AHSP: variants seen among roughly 807,000 people sequenced by gnomAD.
AHSP encodes alpha-hemoglobin-stabilizing protein.
In AHSP, 5 loss-of-function variants were observed where a neutral mutation model predicts 2.7. That is an observed-to-expected ratio of 1.86 (90% CI 0.97 to 3.92). The LOEUF (loss-of-function observed/expected upper bound fraction) is 3.92. Ranked by LOEUF, AHSP falls within the 30% of genes most tolerant of loss-of-function variation. The probability of loss-of-function intolerance (pLI) is 0.00; values close to 1 mark genes in which losing one functional copy is unlikely to be tolerated. For missense variants in AHSP, 134 were observed against 119.8 expected, an observed-to-expected ratio of 1.12 and a Z score of -0.55; for synonymous variants, 50 against 48.4, an observed-to-expected ratio of 1.03 and a Z score of -0.14.
chr16:31,528,709 T>C lies in AHSP; in HGVS notation c.*18T>C, dbSNP rs10843. Reference sequence around the variant, plus strand: ...CCTCCTAGCTCAGGGACCCAGCCCCTCCTCTCTGAGAAACTCTGACCTTCA... The same window carrying C: ...CCTCCTAGCTCAGGGACCCAGCCCCCCCTCTCTGAGAAACTCTGACCTTCA... On this transcript the variant is annotated 3_prime_UTR_variant, in exon 3 of 3. Transcript: ENST00000302312. The C allele has an allele frequency of 0.097, 154,986 of 1,600,776 alleles. 8,010 individuals carry two copies. The highest frequency in any genetic ancestry group is 0.16 in the East Asian group (7,112 of 44,414).
Position 31,527,938 on chromosome 16 carries a change from C to A in AHSP, c.-29C>A. 1 of 626,940 alleles carries A rather than the reference C, an allele frequency of 1.6e-6. No individual in the cohort carries two copies. Among genetic ancestry groups the A allele is most frequent in the Non-Finnish European group, 2.9e-6 (1 of 344,790 alleles). 38.8% of individuals were successfully genotyped at this position (626,940 alleles called of 1,614,324 possible). ...CGCACCCTCAAGAGTGTGGGTGAGA[C>A]ATATACAGCCTGTTAGACCTGAAGG... On this transcript the variant is annotated 5_prime_UTR_variant, in exon 1 of 3. Transcript: ENST00000302312.
At chr16:31,528,336 C>T (rs1468982242) in intron 2 of AHSP, 122 bp downstream of exon 2, 3 of 1,294,808 alleles carry the variant, frequency 2.3e-6, no homozygotes, top group Non-Finnish European at 3.3e-6. Flanking sequence ...CAACGAGAGA[C>T]ACGGGATACA....
rs144861094 is a variant in AHSP, at chr16:31,528,176, G to C, written c.37G>C (p.Ala13Pro). The change falls in exon 2 of 3, where the codon GCA becomes CCA. Residue 13 changes from alanine to proline, a missense_variant. By Grantham distance (27) the Ala-to-Pro change is conservative. Coordinates refer to ENST00000302312, the MANE Select transcript of AHSP (RefSeq NM_016633.4). Reference protein sequence around the residue: ...LLKANKDLISAGLKEFSVLLN... With the variant: ...LLKANKDLISPGLKEFSVLLN... ...TAAGGCCAATAAGGATCTCATTTCC[G>C]CAGGATTGAAGGAGTTCAGCGTTCT... 92 of 1,613,984 alleles carry C rather than the reference G, an allele frequency of 5.7e-5. No individual in the cohort carries two copies. The African/African-American group carries it at 1.0e-3, about 18-fold the overall frequency.
chr16:31,528,522 T>G lies in AHSP; in HGVS notation c.140T>G (p.Phe47Cys), dbSNP rs564987528. 3 of 1,613,932 alleles carry G rather than the reference T, an allele frequency of 1.9e-6. No homozygotes were observed. The African/African-American group carries it at 4.0e-5, about 22-fold the overall frequency. The change falls in exon 3 of 3, where the codon TTC (phenylalanine) becomes TGC (cysteine). Residue 47 changes from phenylalanine to cysteine, a missense_variant. Coordinates refer to ENST00000302312, the MANE Select transcript of AHSP (RefSeq NM_016633.4). Reference protein sequence around the residue: ...MVTVVEDWMNFYINYYRQQVT... With the variant: ...MVTVVEDWMNCYINYYRQQVT... The stretch of plus-strand genomic sequence containing the variant: ...ACTGTGGTGGAGGACTGGATGAACT[T>G]CTACATCAACTATTACAGGCAGCAG...
rs1195906814 is a variant in AHSP, at chr16:31,528,087, C to A, written c.-4-49C>A. 2.1e-6 allele frequency: 3 copies of A among 1,439,046 alleles called. No homozygotes were observed. In the East Asian group the frequency reaches 6.8e-5, roughly 33 times the overall value. 89.1% of individuals were successfully genotyped at this position (1,439,046 alleles called of 1,614,324 possible). A position where few individuals can be genotyped will look rare whatever the true frequency, so the allele number is the denominator to read the frequency against. On this transcript the variant is annotated intron_variant, in intron 1 of 2. Coordinates refer to ENST00000302312, the MANE Select transcript of AHSP (RefSeq NM_016633.4). Reference sequence around the variant, plus strand: ...GAGGAAGTGGGTTGGGGGAAATACCCAGTGAGGAGGGAAACAGATATGTAA... The same window carrying A: ...GAGGAAGTGGGTTGGGGGAAATACCAAGTGAGGAGGGAAACAGATATGTAA...
chr16:31,528,196 C>T lies in AHSP; in HGVS notation c.57C>T (p.Ser19=). The part of the protein sequence containing the change: ...DLISAGLKEF[S]VLLNQQVFND... ...TTTCCGCAGGATTGAAGGAGTTCAG[C>T]GTTCTGCTGAATCAGCAGGTGAGTC... is the stretch of plus-strand genomic sequence containing the variant. The change falls in exon 2 of 3, where the codon AGC becomes AGT. Residue 19 remains serine, a synonymous_variant. Transcript: ENST00000302312. 6.2e-7 allele frequency: 1 copy of T among 1,613,968 alleles called. No individual in the cohort carries two copies. Among genetic ancestry groups the T allele is most frequent in the Non-Finnish European group, 8.5e-7 (1 of 1,179,956 alleles).
In AHSP at chr16:31,528,639, G is replaced by T; in HGVS notation, c.257G>T (p.Arg86Met). The change falls in exon 3 of 3, where the codon AGG becomes ATG. Residue 86 changes from arginine (R) to methionine (M), a missense_variant. Transcript: ENST00000302312. Reference sequence around the variant, plus strand: ...GCCAACCCTTTCCTGGCCAAGTACAGGGACTTCCTGAAGTCTCATGAGCTC... The same window carrying T: ...GCCAACCCTTTCCTGGCCAAGTACATGGACTTCCTGAAGTCTCATGAGCTC... The part of the protein sequence containing the change: ...TLANPFLAKY[R>M]DFLKSHELPS... 6.2e-7 allele frequency: 1 copy of T among 1,613,982 alleles called. No homozygotes were observed. Among genetic ancestry groups the T allele is most frequent in the Non-Finnish European group, 8.5e-7 (1 of 1,180,014 alleles).
chr16:31,528,077 G>T, intron 1 of AHSP, 59 bp from the exon 2 acceptor site: 1 of 1,386,576 alleles, frequency 7.2e-7, no homozygotes, highest in South Asian at 1.2e-5. Context: ...AGTGGGTTGG[G>T]GGAAATACCC....
intron 2 of AHSP, 106 bp downstream of exon 2, chr16:31,528,320 T>C: frequency 7.4e-7 from 1 of 1,342,590 alleles, no homozygotes. Context: ...GTGGAGTTGA[T>C]GGAAACAACG....
intron 2 of AHSP, 110 bp from the exon 3 acceptor site, chr16:31,528,348 T>C: frequency 3.1e-6 from 4 of 1,301,490 alleles, no homozygotes; most frequent in Admixed American, 1.8e-5. Flanking sequence ...CGGGATACAA[T>C]GCAGAGGAAA....
Position 31,528,663 on chromosome 16 carries a change from T to TC in AHSP, c.284dup (p.Ser96GlufsTer38), listed in dbSNP as rs2082744567. ...AGGGACTTCCTGAAGTCTCATGAGCTCCCGAGTCACCCACCGCCCTCCTCC... is the reference window on the plus strand; with the variant it reads ...AGGGACTTCCTGAAGTCTCATGAGCTCCCCGAGTCACCCACCGCCCTCCTCC... On this transcript the variant is annotated frameshift_variant, in exon 3 of 3. Transcript: ENST00000302312. LOFTEE classifies it low-confidence loss of function (END_TRUNC). The TC allele has an allele frequency of 1.2e-6, 2 of 1,613,376 alleles. No homozygotes were observed. Among genetic ancestry groups the TC allele is most frequent in the South Asian group, 2.2e-5 (2 of 91,018 alleles).
Position 31,528,128 on chromosome 16 carries a change from C to A in AHSP, c.-4-8C>A. ...AGATATGTAAATTCTACCCTTTTCT[C>A]TACCCAGGCAGATGGCTCTTCTTAA... On this transcript the variant is annotated splice_region_variant and splice_polypyrimidine_tract_variant and intron_variant, in intron 1 of 2. Transcript: ENST00000302312. 2 of 1,610,228 alleles carry A rather than the reference C, an allele frequency of 1.2e-6. 1 individual carries two copies. Among genetic ancestry groups the A allele is most frequent in the South Asian group, 2.2e-5 (2 of 90,994 alleles).
At position 31,528,568 on chromosome 16, in the gene AHSP, G is replaced by T; in HGVS notation, c.186G>T (p.Glu62Asp). 1 of 1,614,116 alleles carries T rather than the reference G, an allele frequency of 6.2e-7. No individual in the cohort carries two copies. Among genetic ancestry groups the T allele is most frequent in the Middle Eastern group, 1.6e-4 (1 of 6,062 alleles). Reference protein sequence around the residue: ...YRQQVTGEPQERDKALQELRQ... With the variant: ...YRQQVTGEPQDRDKALQELRQ... ...AGCAGGTGACAGGGGAGCCCCAAGA[G>T]CGAGACAAGGCTCTGCAGGAGCTTC... Residue 62 changes from glutamate (E) to aspartate (D), a missense_variant, in exon 3 of 3, where the codon GAG (glutamate) becomes GAT (aspartate). Glu to Asp is a conservative substitution (Grantham distance 45). Coordinates refer to ENST00000302312, the MANE Select transcript of AHSP (RefSeq NM_016633.4).
Position 31,528,224 on chromosome 16 carries a change from A to G in AHSP, c.75+10A>G. 2 of 1,612,828 alleles carry G rather than the reference A, an allele frequency of 1.2e-6. No individual in the cohort carries two copies. The highest frequency in any genetic ancestry group is 2.2e-5 in the East Asian group (1 of 44,882). On this transcript the variant is annotated intron_variant, in intron 2 of 2. Transcript: ENST00000302312. ...TCTGCTGAATCAGCAGGTGAGTCCA[A>G]GCTTTCCATTTCAAAGGACTGGCCT...
Position 31,528,178 on chromosome 16 carries a change from A to T in AHSP, c.39A>T (p.Ala13=), listed in dbSNP as rs1218473269. 6.2e-7 allele frequency: 1 copy of T among 1,613,994 alleles called. No homozygotes were observed. The highest frequency in any genetic ancestry group is 2.2e-5 in the East Asian group (1 of 44,892). The stretch of plus-strand genomic sequence containing the variant: ...AGGCCAATAAGGATCTCATTTCCGC[A>T]GGATTGAAGGAGTTCAGCGTTCTGC... The part of the protein sequence containing the change: ...LLKANKDLIS[A]GLKEFSVLLN... The change falls in exon 2 of 3, where the codon GCA becomes GCT. Residue 13 remains alanine, a synonymous_variant. Transcript: ENST00000302312.
chr16:31,527,999 G>C (rs528145699), intron 1 of AHSP, 37 bp downstream of exon 1: 2 of 751,366 alleles, frequency 2.7e-6, no homozygotes, highest in Non-Finnish European at 4.7e-6. Context: ...CCTCAGAGCA[G>C]GGCAGGATGT....
intron 2 of AHSP, 63 bp from the exon 3 acceptor site, chr16:31,528,395 T>C: frequency 6.9e-7 from 1 of 1,447,742 alleles, no homozygotes; most frequent in Admixed American, 1.7e-5. Flanking sequence ...ACTATTCTAG[T>C]ATTCCCGAAT....
At chr16:31,528,030 T>C in intron 1 of AHSP, 68 bp downstream of exon 1, 1 of 919,258 alleles carries the variant, frequency 1.1e-6, no homozygotes, top group Non-Finnish European at 1.8e-6. Flanking sequence ...GGAAAGGAGA[T>C]AGCCCTGCAG....
rs751481661 is a variant in AHSP at position 31,528,447 on chromosome 16, C to G, written c.76-11C>G. 15 of 1,613,026 alleles carry G rather than the reference C, an allele frequency of 9.3e-6. No individual in the cohort carries two copies. In the East Asian group the frequency reaches 3.1e-4, roughly 34 times the overall value. On this transcript the variant is annotated splice_polypyrimidine_tract_variant and intron_variant, in intron 2 of 2. Coordinates refer to ENST00000302312, the MANE Select transcript of AHSP (RefSeq NM_016633.4). ...TTCTCCCTTGCCAACTGCCTCTCCG[C>G]AACCCCCCAGGTCTTCAATGATCCT...
Sources: gnomAD v4.1 joint callset for allele counts on GRCh38, gnomAD v4.1.1 for gene constraint, MANE v1.5 for transcripts, NCBI Gene and HGNC (gene_info 2026-07-23, HGNC 2026-07-21) for gene names.